The following CSMD3 variants were observed in gnomAD, a reference collection of about 807,000 sequenced individuals.
The protein encoded by CSMD3 is CUB and Sushi multiple domains 3.
A neutral mutation model predicts 435.2 loss-of-function variants in CSMD3; 177 were observed. The observed-to-expected ratio is 0.41, with a 90% CI of 0.36 to 0.46. CSMD3 has a LOEUF of 0.46. Ranked by LOEUF, CSMD3 falls within the 20% of genes least tolerant of loss-of-function variation. The pLI is 0.34. For synonymous variants in CSMD3, 1,656 were observed against 1,520.5 expected, an observed-to-expected ratio of 1.09 and a Z score of -2.07; for missense variants, 4,265 against 4,504.6, an observed-to-expected ratio of 0.95 and a Z score of 1.52.
intron 10 of CSMD3, among the ~76,000 whole-genome samples, chr8:112,897,130 C>T (rs1240375326): frequency 2.6e-5 from 4 of 151,270 alleles, no homozygotes; most frequent in Admixed American, 2.0e-4. Context: ...CAAACAAATC[C>T]CCCATGTAAT....
At chr8:112,975,696 C>G in intron 7 of CSMD3, 141 bp downstream of exon 7, 1 of 1,233,138 alleles carries the variant, frequency 8.1e-7, no homozygotes, top group South Asian at 1.4e-5. Flanking sequence ...TTGTTACTAT[C>G]CATATTTTTC....
At chr8:113,071,853 T>C (rs1459206056) in intron 5 of CSMD3, among the ~76,000 whole-genome samples, 1 of 151,820 alleles carries the variant, frequency 6.6e-6, no homozygotes, top group African/African-American at 2.4e-5. Context: ...GTAATAAAAT[T>C]TGTTAGATTT....
At chr8:112,470,893 C>CA (rs905844288) in intron 32 of CSMD3, among the ~76,000 whole-genome samples, 21 of 149,894 alleles carry the variant, frequency 1.4e-4, no homozygotes, top group Middle Eastern at 3.4e-3. Context: ...GTTTTGTCCA[C>CA]AAAAAAAACA....
At chr8:112,937,546 T>TA (rs1218692159) in intron 9 of CSMD3, among the ~76,000 whole-genome samples, 2 of 152,058 alleles carry the variant, frequency 1.3e-5, no homozygotes, top group East Asian at 3.9e-4. Context: ...AGACAGGGAT[T>TA]CGCCATGTTG....
chr8:113,288,704 G>A (rs1210614713), intron 2 of CSMD3, among the ~76,000 whole-genome samples: 1 of 151,678 alleles, frequency 6.6e-6, no homozygotes, highest in Non-Finnish European at 1.5e-5. Context: ...ATTTTTCTAA[G>A]GTTTCTAAGA....
intron 23 of CSMD3, among the ~76,000 whole-genome samples, chr8:112,579,877 G>A (rs891423335): frequency 2.6e-5 from 4 of 151,858 alleles, no homozygotes; most frequent in Non-Finnish European, 2.9e-5. Context: ...GCAATTTTGC[G>A]TTACTTTACT....
At chr8:113,163,326 G>A (rs912618973) in intron 4 of CSMD3, among the ~76,000 whole-genome samples, 1 of 151,926 alleles carries the variant, frequency 6.6e-6, no homozygotes, top group Non-Finnish European at 1.5e-5. Flanking sequence ...AAAAAAATTT[G>A]ATGGAAGATA....
At chr8:112,573,732 AAAAAGAG>A in intron 23 of CSMD3, 75 bp from the exon 24 acceptor site, 1 of 1,201,548 alleles carries the variant, frequency 8.3e-7, no homozygotes, top group Non-Finnish European at 1.2e-6. Flanking sequence ...TGTATCTATG[AAAAAGAG>A]AAAAGTGTAC....
intron 3 of CSMD3, among the ~76,000 whole-genome samples, chr8:113,208,804 G>T (rs2092800215): frequency 6.6e-6 from 1 of 151,542 alleles, no homozygotes; most frequent in Non-Finnish European, 1.5e-5. Context: ...AGTATGTAAG[G>T]GTACATGTAG....
At chr8:113,376,053 T>A (rs1022767904) in intron 1 of CSMD3, among the ~76,000 whole-genome samples, 15 of 152,196 alleles carry the variant, frequency 9.9e-5, no homozygotes, top group Admixed American at 2.6e-4. Context: ...TTTTGTCAAT[T>A]GGCAAATTCT....
chr8:112,258,097 T>C (rs1586563534), intron 61 of CSMD3, among the ~76,000 whole-genome samples: 1 of 152,106 alleles, frequency 6.6e-6, no homozygotes, highest in Non-Finnish European at 1.5e-5. Context: ...ACTGAAACTG[T>C]ACCCCTTCCT....
At chr8:112,419,200 T>A (rs1010325223) in intron 32 of CSMD3, among the ~76,000 whole-genome samples, 12 of 150,580 alleles carry the variant, frequency 8.0e-5, no homozygotes, top group Admixed American at 4.0e-4. Context: ...GCAGTAAACA[T>A]ACTAACTCAC....
At chr8:112,264,261 A>AT (rs1454556030) in intron 60 of CSMD3, among the ~76,000 whole-genome samples, 4 of 152,222 alleles carry the variant, frequency 2.6e-5, no homozygotes, top group African/African-American at 9.6e-5. Flanking sequence ...AACACAGGTC[A>AT]TATGTCTGAG....
intron 13 of CSMD3, among the ~76,000 whole-genome samples, chr8:112,696,434 ATCTGATC>A (rs1207253072): frequency 6.6e-6 from 1 of 152,142 alleles, no homozygotes; most frequent in Non-Finnish European, 1.5e-5. Context: ...ATCTACAACC[ATCTGATC>A]TTTGACAAAC....
chr8:113,210,930 A>C (rs113923485), intron 3 of CSMD3, among the ~76,000 whole-genome samples: 2 of 151,918 alleles, frequency 1.3e-5, no homozygotes, highest in African/African-American at 2.4e-5. Context: ...AAGACTACAC[A>C]TGCAGTCAAG....
chr8:112,976,056 CA>C lies in CSMD3; in HGVS notation c.1122del (p.Ala375GlnfsTer61), dbSNP rs754941523. 5.6e-6 allele frequency: 9 copies of C among 1,613,920 alleles called. No homozygotes were observed. Among genetic ancestry groups the C allele is most frequent in the Non-Finnish European group, 7.6e-6 (9 of 1,179,968 alleles). On this transcript the variant is annotated frameshift_variant, in exon 7 of 71. Coordinates refer to ENST00000297405, the MANE Select transcript of CSMD3 (RefSeq NM_198123.2). LOFTEE classifies it high-confidence loss of function. ...TTGAIAVASTPADVTVSSVTA... is the reference protein window; with the variant it reads ...TTGAIAVASTXADVTVSSVTA... ...GTAACACTGGATACAGTAACATCTG[CA>C]GGTGTGCTAGCAACAGCAATAGCAC... is the stretch of plus-strand genomic sequence containing the variant.
intron 5 of CSMD3, among the ~76,000 whole-genome samples, chr8:113,094,724 TG>T (rs1490544412): frequency 1.4e-4 from 22 of 152,254 alleles, no homozygotes; most frequent in Non-Finnish European, 2.9e-4. Flanking sequence ...TTTAAGGTGA[TG>T]GTTATCCCAA....
At chr8:112,408,558 A>G (rs1832058492) in intron 33 of CSMD3, 145 bp from the exon 34 acceptor site, 2 of 689,012 alleles carry the variant, frequency 2.9e-6, no homozygotes, top group Non-Finnish European at 2.5e-6. Flanking sequence ...AACTACCAAT[A>G]TATTTCCTTT....
chr8:113,258,036 G>A (rs2093397644), intron 3 of CSMD3, among the ~76,000 whole-genome samples: 1 of 152,184 alleles, frequency 6.6e-6, no homozygotes, highest in African/African-American at 2.4e-5. Flanking sequence ...TGAGTTGGCT[G>A]TAGTACACTA....
Sources: allele counts gnomAD v4.1 joint callset (sites outside exome capture counted in the v4.1 genomes callset), GRCh38; gene constraint gnomAD v4.1.1; transcripts MANE v1.5; gene names NCBI Gene and HGNC (gene_info 2026-07-23, HGNC 2026-07-21).